Variants in MOB3B observed in about 807,000 individuals in gnomAD.
The protein encoded by MOB3B is MOB kinase activator 3B, also known as MOB kinase activator-like 2B.
A neutral mutation model predicts 18.7 loss-of-function variants in MOB3B; 7 were observed. The observed-to-expected ratio is 0.37, with a 90% confidence interval of 0.21 to 0.70. MOB3B has a LOEUF of 0.70. Among genes scored for constraint, MOB3B ranks in the 30% least tolerant of loss-of-function variants. The probability of loss-of-function intolerance (pLI) is 0.52; values close to 1 mark genes in which losing one functional copy is unlikely to be tolerated. For missense variants in MOB3B, 253 were observed against 281.3 expected, an observed-to-expected ratio of 0.90 and a Z score of 0.72; for synonymous variants, 111 against 99.9, an observed-to-expected ratio of 1.11 and a Z score of -0.66.
chr9:27,430,876 C>A (rs1017511248), intron 2 of MOB3B, among the ~76,000 whole-genome samples: 9 of 151,548 alleles, frequency 5.9e-5, no homozygotes, highest in Admixed American at 1.3e-4. Flanking sequence ...AGATCATTAA[C>A]CCCATGGGAT....
At chr9:27,434,049 T>A (rs764299008) in intron 2 of MOB3B, among the ~76,000 whole-genome samples, 19 of 152,216 alleles carry the variant, frequency 1.2e-4, no homozygotes, top group Non-Finnish European at 2.2e-4. Flanking sequence ...TGCTCACCTC[T>A]GTGAAGATGC....
rs139119505 is a variant in MOB3B, at chr9:27,453,502, A to G, written c.418+1631T>C. 4.0e-3 allele frequency among the ~76,000 whole-genome samples: 604 copies of G among 152,278 alleles called. 4 individuals carry two copies. Among genetic ancestry groups the G allele is most frequent in the African/African-American group, 0.014 (583 of 41,558 alleles). On this transcript the variant is annotated intron_variant, in intron 2 of 3. Coordinates refer to ENST00000262244, the MANE Select transcript of MOB3B (RefSeq NM_024761.5). Reference sequence around the variant, plus strand: ...TATAGAGGCATCCATAGAGGCATCCATTAATTTCTTCCAAGCAAAGCCCAA... The same window carrying G: ...TATAGAGGCATCCATAGAGGCATCCGTTAATTTCTTCCAAGCAAAGCCCAA...
intron 2 of MOB3B, among the ~76,000 whole-genome samples, chr9:27,371,337 G>A (rs1275785826): frequency 6.6e-6 from 1 of 152,172 alleles, no homozygotes. Context: ...ACCTGAGATA[G>A]GAATAAAACT....
intron 1 of MOB3B, among the ~76,000 whole-genome samples, chr9:27,470,989 A>G (rs1217639874): frequency 6.6e-6 from 1 of 152,052 alleles, no homozygotes; most frequent in African/African-American, 2.4e-5. Flanking sequence ...TGAAGGAAAA[A>G]ATACAACCCC....
At chr9:27,354,189 C>T (rs575726146) in intron 3 of MOB3B, among the ~76,000 whole-genome samples, 1 of 152,238 alleles carries the variant, frequency 6.6e-6, no homozygotes, top group African/African-American at 2.4e-5. Flanking sequence ...CTTCACCAGG[C>T]TAGCCAGGGT....
chr9:27,469,677 G>A (rs1403149679), intron 1 of MOB3B, among the ~76,000 whole-genome samples: 2 of 152,196 alleles, frequency 1.3e-5, no homozygotes, highest in Non-Finnish European at 1.5e-5. Flanking sequence ...AGTTAGGACA[G>A]ACCTGGGGCT....
intron 2 of MOB3B, among the ~76,000 whole-genome samples, chr9:27,361,255 G>A (rs1265554676): frequency 6.6e-6 from 1 of 152,136 alleles, no homozygotes; most frequent in African/African-American, 2.4e-5. Context: ...GCTGGGATTT[G>A]AACCAAGTCC....
chr9:27,482,650 G>GC (rs11439103), intron 1 of MOB3B, among the ~76,000 whole-genome samples: 4,963 of 152,154 alleles, frequency 0.033, 426 homozygotes, highest in East Asian at 0.28. Context: ...CCGTGCTGGT[G>GC]GCCTGCCCAG....
chr9:27,484,747 C>T (rs183912328), intron 1 of MOB3B, among the ~76,000 whole-genome samples: 2 of 152,192 alleles, frequency 1.3e-5, no homozygotes, highest in Admixed American at 1.3e-4. Context: ...AACCCCCCGA[C>T]CCCCGGCCTC....
intron 2 of MOB3B, among the ~76,000 whole-genome samples, chr9:27,360,066 G>C (rs947577413): frequency 6.6e-6 from 1 of 152,174 alleles, no homozygotes; most frequent in East Asian, 1.9e-4. Flanking sequence ...ATCTGTAAAA[G>C]AGCGGTCATA....
chr9:27,465,594 A>G (rs1819369624), intron 1 of MOB3B, among the ~76,000 whole-genome samples: 1 of 152,168 alleles, frequency 6.6e-6, no homozygotes, highest in East Asian at 1.9e-4. Context: ...CCAACCCCAC[A>G]TTTCCCTTCT....
At chr9:27,448,507 T>C (rs1426303925) in intron 2 of MOB3B, among the ~76,000 whole-genome samples, 2 of 152,160 alleles carry the variant, frequency 1.3e-5, no homozygotes, top group African/African-American at 4.8e-5. Context: ...GGGTTTCCCC[T>C]TGTAAAACCA....
At chr9:27,529,199 G>A (rs1314263380) in intron 1 of MOB3B, among the ~76,000 whole-genome samples, 1 of 152,244 alleles carries the variant, frequency 6.6e-6, no homozygotes, top group Non-Finnish European at 1.5e-5. Flanking sequence ...AGGCGTCCGC[G>A]GCTGGGGATG....
At chr9:27,331,479 T>C (rs10967893) in intron 3 of MOB3B, among the ~76,000 whole-genome samples, 61,538 of 152,116 alleles carry the variant, frequency 0.4, 13,499 homozygotes, top group Middle Eastern at 0.56. Context: ...TGTGTGTGTG[T>C]GTGTGTACTG....
intron 2 of MOB3B, among the ~76,000 whole-genome samples, chr9:27,427,141 A>G (rs568610747): frequency 6.6e-6 from 1 of 152,306 alleles, no homozygotes; most frequent in South Asian, 2.1e-4. Context: ...CCTGCATCAG[A>G]GTTCAGGGCA....
intron 2 of MOB3B, among the ~76,000 whole-genome samples, chr9:27,404,082 C>G (rs1306308454): frequency 6.6e-6 from 1 of 152,004 alleles, no homozygotes; most frequent in Admixed American, 6.6e-5. Context: ...TTTATCTCCC[C>G]CTCCCTATTA....
At chr9:27,332,917 A>G (rs888761704) in intron 3 of MOB3B, among the ~76,000 whole-genome samples, 18 of 152,234 alleles carry the variant, frequency 1.2e-4, no homozygotes, top group African/African-American at 4.3e-4. Context: ...AGTCTTATGA[A>G]TATGCAATCG....
intron 1 of MOB3B, among the ~76,000 whole-genome samples, chr9:27,477,280 C>A (rs529748829): frequency 4.6e-5 from 7 of 152,136 alleles, no homozygotes; most frequent in African/African-American, 1.7e-4. Flanking sequence ...TTGGAGAAAA[C>A]GGACTCACAC....
intron 2 of MOB3B, among the ~76,000 whole-genome samples, chr9:27,410,648 C>T (rs1475088801): frequency 6.6e-6 from 1 of 152,200 alleles, no homozygotes; most frequent in Non-Finnish European, 1.5e-5. Context: ...TCCAACAACA[C>T]TTGCTAATGA....
Sources: allele counts gnomAD v4.1 joint callset (sites outside exome capture counted in the v4.1 genomes callset), GRCh38; gene constraint gnomAD v4.1.1; transcripts MANE v1.5; gene names NCBI Gene and HGNC (gene_info 2026-07-23, HGNC 2026-07-21).